The following CCDC134 variants were observed in gnomAD, a reference collection of about 807,000 sequenced individuals.
The protein encoded by CCDC134 is coiled-coil domain containing 134, also known as coiled-coil domain-containing protein 134.
In CCDC134, 27 loss-of-function variants were observed where a neutral mutation model predicts 25.6. That is an observed-to-expected ratio of 1.05 (90% CI 0.78 to 1.45). The LOEUF is 1.45. Among genes scored for constraint, CCDC134 ranks in the 40% most tolerant of loss-of-function variants. CCDC134 has a pLI of 0.00. For missense variants in CCDC134, 261 were observed against 286.7 expected (o/e 0.91, Z 0.65); for synonymous variants, 110 against 115.0 (o/e 0.96, Z 0.28).
At chr22:41,819,963 T>TTATATATATATATATATATA (rs34213936) in intron 6 of CCDC134, among the ~76,000 whole-genome samples, 43 of 82,610 alleles carry the variant, frequency 5.2e-4, no homozygotes, top group East Asian at 2.8e-3. Flanking sequence ...ACTTACCACT[T>TTATATATATATATATATATA]TATATATATA....
intron 1 of CCDC134, among the ~76,000 whole-genome samples, chr22:41,804,055 C>G (rs1410991418): frequency 3.3e-5 from 5 of 152,084 alleles, no homozygotes; most frequent in Non-Finnish European, 5.9e-5. Context: ...ATGGCGTGAA[C>G]CTGGAAGGTG....
intron 6 of CCDC134, among the ~76,000 whole-genome samples, chr22:41,821,697 G>C (rs1162908353): frequency 2.0e-5 from 3 of 152,202 alleles, no homozygotes; most frequent in South Asian, 2.1e-4. Flanking sequence ...GACGTGATGA[G>C]GCCAGGGGCT....
intron 6 of CCDC134, among the ~76,000 whole-genome samples, chr22:41,819,011 G>A (rs1161521234): frequency 2.6e-5 from 4 of 152,284 alleles, no homozygotes; most frequent in South Asian, 2.1e-4. Flanking sequence ...TTATCATAAC[G>A]TATTCTACTT....
intron 1 of CCDC134, among the ~76,000 whole-genome samples, chr22:41,806,214 A>ATTTT (rs60425249): frequency 3.3e-4 from 40 of 120,994 alleles, no homozygotes; most frequent in Non-Finnish European, 4.8e-4. Flanking sequence ...TAGGCGACTA[A>ATTTT]TTTTTTTTTT....
In CCDC134 at chr22:41,827,205, C is replaced by T. The variant is rs2076684037; in HGVS notation, c.*1382C>T. Among the ~76,000 whole-genome samples the T allele has an allele frequency of 6.6e-6, 1 of 152,206 alleles. No individual in the cohort carries two copies. The highest frequency in any genetic ancestry group is 1.5e-5 in the Non-Finnish European group (1 of 68,048). On this transcript the variant is annotated 3_prime_UTR_variant, in exon 7 of 7. Coordinates refer to ENST00000255784, the MANE Select transcript of CCDC134 (RefSeq NM_024821.5). ...TACTCGGAAGTAAGGGGACAAGAAGCAGCTGGAAGAGAGCTGGGTGTGGGG... is the reference window on the plus strand; with the variant it reads ...TACTCGGAAGTAAGGGGACAAGAAGTAGCTGGAAGAGAGCTGGGTGTGGGG...
At chr22:41,809,781 C>T in intron 2 of CCDC134, 98 bp from the exon 3 acceptor site, 6 of 1,513,036 alleles carry the variant, frequency 4.0e-6, no homozygotes, top group Non-Finnish European at 5.4e-6. Flanking sequence ...ATGGCCCTTG[C>T]AGATACTTGC....
chr22:41,807,985 A>AC (rs1310034833), intron 1 of CCDC134, among the ~76,000 whole-genome samples: 2 of 151,636 alleles, frequency 1.3e-5, no homozygotes, highest in African/African-American at 2.4e-5. Context: ...ATATGGAGAA[A>AC]CCCCGTCTCT....
At chr22:41,817,255 C>G (rs937689223) in intron 6 of CCDC134, among the ~76,000 whole-genome samples, 1 of 152,054 alleles carries the variant, frequency 6.6e-6, no homozygotes, top group Non-Finnish European at 1.5e-5. Context: ...GTTACCATGC[C>G]AAGTAGAATG....
At chr22:41,816,150 A>G (rs761829505) in intron 6 of CCDC134, among the ~76,000 whole-genome samples, 1 of 152,222 alleles carries the variant, frequency 6.6e-6, no homozygotes, top group Admixed American at 6.5e-5. Flanking sequence ...GATGGACCCA[A>G]GCAACCCTCA....
intron 6 of CCDC134, among the ~76,000 whole-genome samples, chr22:41,818,651 CAG>C (rs1232715765): frequency 6.6e-6 from 1 of 152,194 alleles, no homozygotes; most frequent in African/African-American, 2.4e-5. Context: ...CTTTATGTGG[CAG>C]AGTCGGGGAT....
chr22:41,803,742 C>G lies in CCDC134; in HGVS notation c.-17+2976C>G, dbSNP rs530108360. 2.6e-5 allele frequency among the ~76,000 whole-genome samples: 4 copies of G among 151,228 alleles called. 1 individual carries two copies. In the South Asian group the frequency reaches 8.4e-4, roughly 32 times the overall value. Reference sequence around the variant, plus strand: ...AAGATGGTGCCACTGCACTCCAGCTCGGGCTACAGAGTGAGACTCTGTCTC... The same window carrying G: ...AAGATGGTGCCACTGCACTCCAGCTGGGGCTACAGAGTGAGACTCTGTCTC... On this transcript the variant is annotated intron_variant, in intron 1 of 6. Transcript: ENST00000255784.
At chr22:41,818,646 T>C (rs2076633929) in intron 6 of CCDC134, among the ~76,000 whole-genome samples, 1 of 152,224 alleles carries the variant, frequency 6.6e-6, no homozygotes, top group Non-Finnish European at 1.5e-5. Context: ...CTTTGCTTTA[T>C]GTGGCAGAGT....
At chr22:41,809,064 T>C in intron 2 of CCDC134, 71 bp downstream of exon 2, 1 of 1,305,712 alleles carries the variant, frequency 7.7e-7, no homozygotes, top group Non-Finnish European at 1.1e-6. Context: ...TACTCAGGGA[T>C]TCCAGGGATA....
rs1324209827 is a variant in CCDC134, at chr22:41,825,058, GA to G, written c.565-638del. On this transcript the variant is annotated intron_variant, in intron 6 of 6. Coordinates refer to ENST00000255784, the MANE Select transcript of CCDC134 (RefSeq NM_024821.5). This position sits in a 1 kb window ranked among gnomAD's most constrained non-coding sequence, Gnocchi z 4.4. ...TCAGAACAGGGACTCTGGGGAGAGGGAACCATACTGAGTCTAGGGTGCATTT... is the reference window on the plus strand; with the variant it reads ...TCAGAACAGGGACTCTGGGGAGAGGGACCATACTGAGTCTAGGGTGCATTT... 2.0e-5 allele frequency among the ~76,000 whole-genome samples: 3 copies of G among 152,192 alleles called. No individual in the cohort carries two copies. Among genetic ancestry groups the G allele is most frequent in the Admixed American group, 2.0e-4 (3 of 15,302 alleles).
chr22:41,817,896 T>C (rs1459002841), intron 6 of CCDC134, among the ~76,000 whole-genome samples: 2 of 152,168 alleles, frequency 1.3e-5, no homozygotes, highest in African/African-American at 4.8e-5. Context: ...GCAAGGGTGA[T>C]ACCTTTTAAT....
At chr22:41,810,323 G>A (rs770485477) in intron 4 of CCDC134, 32 bp downstream of exon 4, 17 of 1,574,838 alleles carry the variant, frequency 1.1e-5, no homozygotes, top group East Asian at 2.3e-5. Flanking sequence ...CCTGTCCTCC[G>A]CACCACCCGA....
At chr22:41,814,896 G>A (rs541887982) in intron 6 of CCDC134, among the ~76,000 whole-genome samples, 86 of 152,330 alleles carry the variant, frequency 5.6e-4, no homozygotes, top group Non-Finnish European at 1.1e-3. Context: ...GGCCAGGTGG[G>A]CGCTGTGCAT....
intron 1 of CCDC134, among the ~76,000 whole-genome samples, chr22:41,805,432 TAAAATAA>T: frequency 6.7e-6 from 1 of 149,872 alleles, no homozygotes; most frequent in African/African-American, 2.5e-5. Flanking sequence ...AAATAAAAAA[TAAAATAA>T]AAAAAAGAAT....
intron 6 of CCDC134, among the ~76,000 whole-genome samples, chr22:41,816,914 C>T (rs768142336): frequency 1.3e-5 from 2 of 152,028 alleles, no homozygotes; most frequent in Non-Finnish European, 2.9e-5. Context: ...GAGACTGTCT[C>T]ACAAAAACAA....
Sources: allele counts gnomAD v4.1 joint callset (sites outside exome capture counted in the v4.1 genomes callset), GRCh38; gene constraint gnomAD v4.1.1; non-coding constraint Gnocchi (gnomAD v3.1); transcripts MANE v1.5; gene names NCBI Gene and HGNC (gene_info 2026-07-23, HGNC 2026-07-21).